The following PCDHGA2 variants were observed in gnomAD, a reference collection of about 807,000 sequenced individuals.
PCDHGA2 encodes the protein protocadherin gamma subfamily A, 2.
Under a neutral mutation model 59.2 loss-of-function variants are expected in PCDHGA2, and 40 were observed. The ratio of observed to expected loss-of-function variants is 0.68; its 90% CI spans 0.52 to 0.88. The LOEUF is 0.88. PCDHGA2 is among the 40% of genes least tolerant of loss of function. The probability of loss-of-function intolerance (pLI) is 0.00; values close to 1 mark genes in which losing one functional copy is unlikely to be tolerated. For synonymous variants in PCDHGA2, 560 were observed against 526.0 expected (o/e 1.06, Z -0.89); for missense variants, 1,226 against 1,204.0 (o/e 1.02, Z -0.27).
At chr5:141,460,733 C>T (rs988651750) in intron 1 of PCDHGA2, among the ~76,000 whole-genome samples, 2 of 150,844 alleles carry the variant, frequency 1.3e-5, no homozygotes, top group Non-Finnish European at 3.0e-5. Context: ...CATATATACA[C>T]ATTGTATATA....
At chr5:141,420,327 A>G in intron 1 of PCDHGA2, 1 of 1,425,478 alleles carries the variant, frequency 7.0e-7, no homozygotes, top group South Asian at 1.5e-5. Context: ...ATGCCAATAT[A>G]TTCCAATATA....
intron 1 of PCDHGA2, chr5:141,388,959 G>C: frequency 6.2e-7 from 1 of 1,613,996 alleles, no homozygotes; most frequent in Non-Finnish European, 8.5e-7. Flanking sequence ...GGAGGACGCC[G>C]AGCTGGGAAC....
Position 141,486,657 on chromosome 5 carries a change from T to C in PCDHGA2, c.2425-8150T>C. Reference sequence around the variant, plus strand: ...AATGCGCTTATCTCCTACTCACTCCTGGAGCCCAGGAATCGAGATGTATCA... The same window carrying C: ...AATGCGCTTATCTCCTACTCACTCCCGGAGCCCAGGAATCGAGATGTATCA... On this transcript the variant is annotated intron_variant, in intron 1 of 3. Transcript: ENST00000394576. The surrounding 1 kb of genome is among the most constrained non-coding windows in gnomAD (Gnocchi z 5.0). The C allele has an allele frequency of 6.2e-7, 1 of 1,614,010 alleles. No individual in the cohort carries two copies. Among genetic ancestry groups the C allele is most frequent in the Non-Finnish European group, 8.5e-7 (1 of 1,180,030 alleles).
chr5:141,467,268 G>C lies in PCDHGA2; in HGVS notation c.2425-27539G>C, dbSNP rs1195615721. On this transcript the variant is annotated intron_variant, in intron 1 of 3. Transcript: ENST00000394576. The stretch of plus-strand genomic sequence containing the variant: ...GGGTTTCACCATGTTGGCCAGGCTG[G>C]TCTCGAACTCTTGACCTCAAGTGAT... Among the ~76,000 whole-genome samples, 3 of 152,030 alleles carry C rather than the reference G, an allele frequency of 2.0e-5. No homozygotes were observed. The South Asian group carries it at 6.2e-4, about 32-fold the overall frequency.
At chr5:141,347,084 C>CTCCT (rs140860697) in intron 1 of PCDHGA2, among the ~76,000 whole-genome samples, 1 of 135,672 alleles carries the variant, frequency 7.4e-6, no homozygotes, top group Non-Finnish European at 1.6e-5. Flanking sequence ...TCTCTCTTTC[C>CTCCT]TCCTTCCTTC....
At chr5:141,345,529 C>T in intron 1 of PCDHGA2, 1 of 1,614,166 alleles carries the variant, frequency 6.2e-7, no homozygotes, top group Non-Finnish European at 8.5e-7. Flanking sequence ...CTCCAGGGGG[C>T]GCCCCTGTCC....
rs369141362 is a variant in PCDHGA2 at position 141,404,800 on chromosome 5, C to T, written c.2424+63405C>T. The T allele has an allele frequency of 1.8e-5, 29 of 1,613,852 alleles. No homozygotes were observed. The Admixed American group carries it at 3.3e-4, about 19-fold the overall frequency. On this transcript the variant is annotated intron_variant, in intron 1 of 3. Transcript: ENST00000394576. ...TATTCAAGGCCAGTGAGCCAGGGCT[C>T]TTCTCGGTGGGGCTGCACACAGGTG... is the stretch of plus-strand genomic sequence containing the variant.
At chr5:141,409,567 G>T (rs974585499) in intron 1 of PCDHGA2, 2 of 1,613,896 alleles carry the variant, frequency 1.2e-6, no homozygotes, top group Non-Finnish European at 1.7e-6. Context: ...TCGACCAGAC[G>T]TCCTACGTGG....
In PCDHGA2 at chr5:141,476,034, C is replaced by G. The variant is rs934044974; in HGVS notation, c.2425-18773C>G. On this transcript the variant is annotated intron_variant, in intron 1 of 3. Transcript: ENST00000394576. This position sits in a 1 kb window ranked among gnomAD's most constrained non-coding sequence, Gnocchi z 7.6. ...CCATGTCGGACTCGGCGCCCAGCGC[C>G]CAAGCGCTAACCCGCTGAAAGTTTC... The G allele has an allele frequency of 2.0e-6, 3 of 1,464,488 alleles. No homozygotes were observed. Among genetic ancestry groups the G allele is most frequent in the Non-Finnish European group, 2.7e-6 (3 of 1,100,656 alleles). 90.7% of individuals were successfully genotyped at this position (1,464,488 alleles called of 1,614,324 possible). A position where few individuals can be genotyped will look rare whatever the true frequency, so the allele number is the denominator to read the frequency against.
At chr5:141,374,341 C>T (rs1770393782) in intron 1 of PCDHGA2, 4 of 1,613,988 alleles carry the variant, frequency 2.5e-6, no homozygotes, top group Non-Finnish European at 3.4e-6. Flanking sequence ...GCTTGGTCAC[C>T]GCGGGTAGGA....
At chr5:141,478,574 C>T (rs2099465133) in intron 1 of PCDHGA2, 1 of 1,586,288 alleles carries the variant, frequency 6.3e-7, no homozygotes, top group Non-Finnish European at 8.6e-7. Flanking sequence ...ATGCTTGACC[C>T]TGTTAGTGCT....
chr5:141,340,354 T>A lies in PCDHGA2; in HGVS notation c.1383T>A (p.Ile461=). 3.1e-6 allele frequency: 5 copies of A among 1,613,720 alleles called. No individual in the cohort carries two copies. Among genetic ancestry groups the A allele is most frequent in the Non-Finnish European group, 4.2e-6 (5 of 1,179,924 alleles). Residue 461 remains isoleucine (I), a synonymous_variant, in exon 1 of 4, where the codon ATT becomes ATA. Transcript: ENST00000394576. ...AFSRTSYSTY[I]PENNPRGASV... Reference sequence around the variant, plus strand: ...CCCGCACATCCTACTCCACCTACATTCCCGAAAACAACCCCAGAGGAGCCT... The same window carrying A: ...CCCGCACATCCTACTCCACCTACATACCCGAAAACAACCCCAGAGGAGCCT...
rs1460072742 is a variant in PCDHGA2, at chr5:141,399,761, G to A, written c.2424+58366G>A. 3 of 1,613,238 alleles carry A rather than the reference G, an allele frequency of 1.9e-6. No individual in the cohort carries two copies. The highest frequency in any genetic ancestry group is 1.7e-4 in the Middle Eastern group (1 of 5,918). On this transcript the variant is annotated intron_variant, in intron 1 of 3. Transcript: ENST00000394576. The stretch of plus-strand genomic sequence containing the variant: ...GCGCTCAGCGCAAACGTGAGCCTGC[G>A]CGTGTTGGTGGGCGACCGAAACGAC...
At chr5:141,388,635 C>G (rs1441074974) in intron 1 of PCDHGA2, 7 of 1,613,896 alleles carry the variant, frequency 4.3e-6, no homozygotes, top group Non-Finnish European at 5.9e-6. Context: ...CAGGGTGAGC[C>G]TTTCAGAAAA....
At chr5:141,499,726 ACT>A (rs1368224475) in intron 2 of PCDHGA2, among the ~76,000 whole-genome samples, 1 of 128,608 alleles carries the variant, frequency 7.8e-6, no homozygotes, top group African/African-American at 3.0e-5. Flanking sequence ...ACAGAGTCTC[ACT>A]CTCTTGCCCA....
At chr5:141,347,899 G>A (rs1758036119) in intron 1 of PCDHGA2, among the ~76,000 whole-genome samples, 1 of 152,112 alleles carries the variant, frequency 6.6e-6, no homozygotes, top group Admixed American at 6.6e-5. Flanking sequence ...CATTTTGCCT[G>A]AGGGTGGAAA....
intron 1 of PCDHGA2, chr5:141,350,769 A>G (rs1355616601): frequency 1.2e-6 from 2 of 1,613,850 alleles, no homozygotes; most frequent in African/African-American, 1.3e-5. Context: ...TACACCATCA[A>G]CCCCAATCAA....
At position 141,340,230 on chromosome 5, in the gene PCDHGA2, T is replaced by A. The variant is rs1385798687; in HGVS notation, c.1259T>A (p.Ile420Asn). ...AGGGAACAGTTTTCCTTTTACAACA[T>A]CACTCTAACCGCTAAAGATGGAGGG... ...LDREQFSFYN[I>N]TLTAKDGGNP... Residue 420 changes from isoleucine (I) to asparagine (N), a missense_variant, in exon 1 of 4, where the codon ATC (isoleucine) becomes AAC (asparagine). Coordinates refer to ENST00000394576, the MANE Select transcript of PCDHGA2 (RefSeq NM_018915.4). The A allele has an allele frequency of 3.1e-6, 5 of 1,614,164 alleles. No individual in the cohort carries two copies. Among genetic ancestry groups the A allele is most frequent in the Non-Finnish European group, 4.2e-6 (5 of 1,180,024 alleles).
At chr5:141,438,741 A>T (rs1184994731) in intron 1 of PCDHGA2, among the ~76,000 whole-genome samples, 3 of 148,914 alleles carry the variant, frequency 2.0e-5, no homozygotes, top group South Asian at 2.1e-4. Context: ...AGCTCACTGC[A>T]ACCTCTGCCT....
Sources: gnomAD v4.1 joint callset for allele counts (sites outside exome capture counted in the v4.1 genomes callset) on GRCh38, gnomAD v4.1.1 for gene constraint, Gnocchi (gnomAD v3.1) non-coding constraint, MANE v1.5 for transcripts, NCBI Gene and HGNC (gene_info 2026-07-23, HGNC 2026-07-21) for gene names.